The following DPH5 variants were observed in gnomAD, a reference collection of about 807,000 sequenced individuals.
The protein encoded by DPH5 is diphthamide biosynthesis 5, also known as diphthine methyl ester synthase.
Under a neutral mutation model 31.6 loss-of-function variants are expected in DPH5, and 31 were observed. The observed-to-expected ratio is 0.98, with a 90% CI of 0.74 to 1.32. The LOEUF (loss-of-function observed/expected upper bound fraction) is 1.32. Ranked by LOEUF, DPH5 falls within the 40% of genes most tolerant of loss-of-function variation. The pLI is 0.00. For missense variants in DPH5, 309 were observed against 335.7 expected (o/e 0.92, Z 0.62); for synonymous variants, 120 against 115.0 (o/e 1.04, Z -0.28).
Position 101,025,434 on chromosome 1 carries a change from G to C in DPH5, c.10C>G (p.Leu4Val). The C allele has an allele frequency of 6.2e-7, 1 of 1,614,130 alleles. No homozygotes were observed. The highest frequency in any genetic ancestry group is 8.5e-7 in the Non-Finnish European group (1 of 1,180,008). ...GCATCTCCCAGGCCCAACCCGATGA[G>C]ATAAAGCATTTCAAACTTGAGGAGA... MLYLIGLGLGDAKD... is the reference protein window; with the variant it reads MLYVIGLGLGDAKD... The change falls in exon 2 of 8, where the codon CTC becomes GTC. Residue 4 changes from leucine to valine, a missense_variant. Coordinates refer to ENST00000370109, the MANE Select transcript of DPH5 (RefSeq NM_015958.3).
chr1:100,996,571 G>A (rs901130367), intron 5 of DPH5, among the ~76,000 whole-genome samples: 1 of 152,148 alleles, frequency 6.6e-6, no homozygotes, highest in African/African-American at 2.4e-5. Flanking sequence ...ATAATGTGAA[G>A]TACCCAGAAG....
rs777247920 is a variant in DPH5 at position 100,995,098 on chromosome 1, A to C, written c.530+12T>G. ...TAAAACACATGTATGCATTCTCAGA[A>C]TAATAACTTACTTGATTAGATTTTC... On this transcript the variant is annotated intron_variant, in intron 6 of 7. Transcript: ENST00000370109. The C allele has an allele frequency of 1.3e-6, 2 of 1,560,330 alleles. No homozygotes were observed. The highest frequency in any genetic ancestry group is 1.1e-5 in the South Asian group (1 of 89,888).
rs10527775 is a variant in DPH5, at chr1:100,993,559, A to AATATATATATATATATATATATATATAT, written c.531-847_531-820dup. 1.9e-4 allele frequency among the ~76,000 whole-genome samples: 11 copies of AATATATATATATATATATATATATATAT among 56,534 alleles called. 2 individuals carry two copies. Among genetic ancestry groups the AATATATATATATATATATATATATATAT allele is most frequent in the Non-Finnish European group, 3.4e-4 (10 of 29,058 alleles). The allele number at this position is 56,534 out of a possible 152,430, so 37.1% of individuals were successfully genotyped here. A position where few individuals can be genotyped will look rare whatever the true frequency, so the allele number is the denominator to read the frequency against. ...AGAGCAAGACTCTGTCGAAAATATA[A>AATATATATATATATATATATATATATAT]ATATATATATATATATATATATATA... On this transcript the variant is annotated intron_variant, in intron 6 of 7. Transcript: ENST00000370109.
chr1:101,010,280 T>G (rs1397545087), intron 4 of DPH5, among the ~76,000 whole-genome samples: 2 of 152,150 alleles, frequency 1.3e-5, no homozygotes, highest in Admixed American at 1.3e-4. Context: ...ACAAGGAAAA[T>G]TTTCATCAGG....
chr1:101,021,861 C>G, intron 2 of DPH5, 96 bp from the exon 3 acceptor site: 2 of 1,291,650 alleles, frequency 1.5e-6, no homozygotes, highest in Non-Finnish European at 2.1e-6. Context: ...CACACACACT[C>G]TTTGTTTGGG....
At chr1:100,994,588 G>A (rs866546809) in intron 6 of DPH5, among the ~76,000 whole-genome samples, 47 of 150,704 alleles carry the variant, frequency 3.1e-4, no homozygotes, top group Admixed American at 1.7e-3. Context: ...GTGCAGTGGC[G>A]TGATCTCAGC....
At chr1:101,010,191 A>C (rs2101228623) in intron 4 of DPH5, among the ~76,000 whole-genome samples, 1 of 152,358 alleles carries the variant, frequency 6.6e-6, no homozygotes, top group East Asian at 1.9e-4. Flanking sequence ...AAGTAGGTTA[A>C]CAGTATTTGT....
Position 101,021,664 on chromosome 1 carries a change from G to A in DPH5, c.237C>T (p.Phe79=). Residue 79 remains phenylalanine (F), a synonymous_variant, in exon 3 of 8, where the codon TTC becomes TTT. Coordinates refer to ENST00000370109, the MANE Select transcript of DPH5 (RefSeq NM_015958.3). ...LKDADISDVA[F]LVVGDPFGAT... ...ACCCAAATGGATCACCAACCACAAGGAATGCAACATCACTGATATCAGCAT... is the reference window on the plus strand; with the variant it reads ...ACCCAAATGGATCACCAACCACAAGAAATGCAACATCACTGATATCAGCAT... 6 of 1,613,124 alleles carry A rather than the reference G, an allele frequency of 3.7e-6. No individual in the cohort carries two copies. The highest frequency in any genetic ancestry group is 5.1e-6 in the Non-Finnish European group (6 of 1,179,394).
chr1:100,995,730 G>C (rs1342430265), intron 5 of DPH5: 4 of 152,404 alleles, frequency 2.6e-5, no homozygotes, highest in Non-Finnish European at 5.9e-5. Context: ...CTAGAAGCTT[G>C]ACAGTCCAAG....
intron 6 of DPH5, among the ~76,000 whole-genome samples, chr1:100,993,401 A>C (rs1215312453): frequency 6.6e-6 from 1 of 151,208 alleles, no homozygotes; most frequent in Non-Finnish European, 1.5e-5. Context: ...AAATAAAAAA[A>C]ATTAGCGTGG....
intron 2 of DPH5, 94 bp downstream of exon 2, chr1:101,025,215 C>T: frequency 6.7e-7 from 1 of 1,493,276 alleles, no homozygotes; most frequent in South Asian, 1.3e-5. Context: ...AGGGTTTAAA[C>T]AAGCAGACCT....
In DPH5 at chr1:101,025,483, A is replaced by T. The variant is rs1201058621; in HGVS notation, c.-23-17T>A. 1.2e-6 allele frequency: 2 copies of T among 1,611,176 alleles called. No homozygotes were observed. Among genetic ancestry groups the T allele is most frequent in the East Asian group, 2.2e-5 (1 of 44,880 alleles). ...GAAGAGAGACTGCAAGACGAAGTGG[A>T]CAGAAAAACCGTCAGTAACACCGAG... On this transcript the variant is annotated splice_polypyrimidine_tract_variant and intron_variant, in intron 1 of 7. Coordinates refer to ENST00000370109, the MANE Select transcript of DPH5 (RefSeq NM_015958.3).
chr1:101,005,435 T>C (rs1364084121), intron 4 of DPH5, among the ~76,000 whole-genome samples: 6 of 152,220 alleles, frequency 3.9e-5, no homozygotes, highest in Admixed American at 1.3e-4. Flanking sequence ...TTGTTTGTTG[T>C]TGTTTTTATC....
chr1:100,993,425 G>A (rs1323914832), intron 6 of DPH5, among the ~76,000 whole-genome samples: 2 of 151,060 alleles, frequency 1.3e-5, no homozygotes, highest in South Asian at 2.1e-4. Flanking sequence ...GGTGGCGCAC[G>A]CCTGTAATCC....
intron 2 of DPH5, chr1:101,022,986 G>C (rs1660570320): frequency 6.6e-6 from 1 of 151,912 alleles, no homozygotes; most frequent in Non-Finnish European, 1.5e-5. Flanking sequence ...CTGAGGTCAG[G>C]AGTTCGAGAC....
In DPH5 at chr1:101,021,731, T is replaced by C; in HGVS notation, c.170A>G (p.Asp57Gly). 1 of 1,613,684 alleles carries C rather than the reference T, an allele frequency of 6.2e-7. No homozygotes were observed. The highest frequency in any genetic ancestry group is 8.5e-7 in the Non-Finnish European group (1 of 1,179,800). Residue 57 changes from aspartate (D) to glycine (G), a missense_variant, in exon 3 of 8, where the codon GAT becomes GGT. By Grantham distance (94) the Asp-to-Gly change is moderately conservative. Coordinates refer to ENST00000370109, the MANE Select transcript of DPH5 (RefSeq NM_015958.3). The stretch of plus-strand genomic sequence containing the variant: ...TGCTTCTTGTTCCACTTCTTCTCTA[T>C]CAGCAACAACCAATTTTCTTCCATA... ...EFYGRKLVVADREEVEQEADN... is the reference protein window; with the variant it reads ...EFYGRKLVVAGREEVEQEADN...
rs1055667718 is a variant in DPH5, at chr1:100,990,226, A to G, written c.*182T>C. On this transcript the variant is annotated 3_prime_UTR_variant, in exon 8 of 8. Coordinates refer to ENST00000370109, the MANE Select transcript of DPH5 (RefSeq NM_015958.3). ...GGCACTTATAAAACCATCAGATCTC[A>G]TGAAAGCTCACTATCATGAGAATAG... is the stretch of plus-strand genomic sequence containing the variant. 8.2e-6 allele frequency: 5 copies of G among 609,404 alleles called. No homozygotes were observed. Among genetic ancestry groups the G allele is most frequent in the Non-Finnish European group, 1.4e-5 (5 of 347,216 alleles). The allele number at this position is 609,404 out of a possible 1,614,324, so 37.7% of individuals were successfully genotyped here. A position where few individuals can be genotyped will look rare whatever the true frequency, so the allele number is the denominator to read the frequency against.
chr1:101,006,470 G>C (rs1406022559), intron 4 of DPH5, among the ~76,000 whole-genome samples: 1 of 152,104 alleles, frequency 6.6e-6, no homozygotes, highest in African/African-American at 2.4e-5. Context: ...TTAGCAGGTA[G>C]TCAAAAACTG....
At chr1:101,012,219 A>T (rs552694417) in intron 4 of DPH5, among the ~76,000 whole-genome samples, 2 of 152,274 alleles carry the variant, frequency 1.3e-5, no homozygotes, top group Non-Finnish European at 2.9e-5. Flanking sequence ...TCAGTTCTTA[A>T]AAGGCAGCAT....
Sources: gnomAD v4.1 joint callset for allele counts (sites outside exome capture counted in the v4.1 genomes callset) on GRCh38, gnomAD v4.1.1 for gene constraint, MANE v1.5 for transcripts, NCBI Gene and HGNC (gene_info 2026-07-23, HGNC 2026-07-21) for gene names.